Variants in PDZD2 observed in about 807,000 individuals in gnomAD.
PDZD2 encodes the protein PDZ domain-containing protein 2.
A neutral mutation model predicts 220.7 loss-of-function variants in PDZD2; 90 were observed. That is an observed-to-expected ratio of 0.41 (90% CI 0.34 to 0.49). The LOEUF (loss-of-function observed/expected upper bound fraction) is 0.49, where lower values mean the gene tolerates loss of function less well. Ranked by LOEUF, PDZD2 falls within the 20% of genes least tolerant of loss-of-function variation. The pLI, the probability that PDZD2 is intolerant of heterozygous loss-of-function variation, is 0.28. For synonymous variants in PDZD2, 1,375 were observed against 1,450.5 expected, an observed-to-expected ratio of 0.95 and a Z score of 1.18; for missense variants, 3,174 against 3,608.5, an observed-to-expected ratio of 0.88 and a Z score of 3.08.
Position 32,087,794 on chromosome 5 carries a change from G to A in PDZD2, c.4346G>A (p.Ser1449Asn). ...ARSPSSQTGD[S>N]GSQEGSAQGH... Reference sequence around the variant, plus strand: ...TCTCCGTCTTCCCAGACGGGGGACAGTGGCTCTCAGGAGGGCAGTGCTCAG... The same window carrying A: ...TCTCCGTCTTCCCAGACGGGGGACAATGGCTCTCAGGAGGGCAGTGCTCAG... Residue 1449 changes from serine to asparagine, a missense_variant, in exon 20 of 25, where the codon AGT becomes AAT. This residue lies in a region of PDZD2 where 1,861 missense variants were observed against 2,001.0 expected (regional missense o/e 0.93). Coordinates refer to ENST00000438447, the MANE Select transcript of PDZD2 (RefSeq NM_178140.4). The surrounding 1 kb of genome is among the most constrained non-coding windows in gnomAD (Gnocchi z 4.0). 1 of 1,613,730 alleles carries A rather than the reference G, an allele frequency of 6.2e-7. No individual in the cohort carries two copies. Among genetic ancestry groups the A allele is most frequent in the South Asian group, 1.1e-5 (1 of 91,064 alleles).
At chr5:31,779,620 G>C (rs1351933746) in intron 1 of PDZD2, among the ~76,000 whole-genome samples, 3 of 152,022 alleles carry the variant, frequency 2.0e-5, no homozygotes, top group African/African-American at 7.2e-5. Flanking sequence ...TGATCCGCCT[G>C]CCTCGGCCTC....
chr5:31,856,958 C>T (rs369242868), intron 2 of PDZD2, among the ~76,000 whole-genome samples: 56 of 150,902 alleles, frequency 3.7e-4, no homozygotes, highest in African/African-American at 1.3e-3. Flanking sequence ...TCAAATATGT[C>T]TACAAGGCTT....
chr5:31,723,963 C>T (rs867903497), intron 1 of PDZD2, among the ~76,000 whole-genome samples: 19 of 152,094 alleles, frequency 1.2e-4, no homozygotes, highest in Admixed American at 6.6e-4. Flanking sequence ...AAAGGCAAGC[C>T]TCTCTCATGA....
At chr5:32,034,081 C>G (rs16901747) in intron 6 of PDZD2, among the ~76,000 whole-genome samples, 4,257 of 152,220 alleles carry the variant, frequency 0.028, 209 homozygotes, top group African/African-American at 0.096. Context: ...CAAAATGTCT[C>G]TGATCCTATG....
intron 6 of PDZD2, among the ~76,000 whole-genome samples, chr5:32,022,194 T>TTG (rs1554026978): frequency 2.8e-5 from 4 of 142,132 alleles, no homozygotes; most frequent in Non-Finnish European, 6.1e-5. Context: ...TGTTTTTTTG[T>TTG]TTTTTGTTTT....
intron 2 of PDZD2, among the ~76,000 whole-genome samples, chr5:31,841,164 A>G (rs1282626911): frequency 5.9e-5 from 9 of 152,096 alleles, no homozygotes; most frequent in Non-Finnish European, 1.2e-4. Flanking sequence ...GGATATTACT[A>G]ATATCTGGTC....
At position 32,049,167 on chromosome 5, in the gene PDZD2, C is replaced by T. The variant is rs555557608; in HGVS notation, c.1665+483C>T. On this transcript the variant is annotated intron_variant, in intron 8 of 24. Transcript: ENST00000438447. ...GGTCATGGGGGGCTGTAGAGGGGGGCTGCACTAGCTGCTCAAGTTGATGTT... is the reference window on the plus strand; with the variant it reads ...GGTCATGGGGGGCTGTAGAGGGGGGTTGCACTAGCTGCTCAAGTTGATGTT... Among the ~76,000 whole-genome samples the T allele has an allele frequency of 3.3e-3, 509 of 152,142 alleles. 4 individuals are homozygous for T. Among genetic ancestry groups the T allele is most frequent in the African/African-American group, 0.011 (475 of 41,488 alleles).
At chr5:31,777,896 A>T in intron 1 of PDZD2, among the ~76,000 whole-genome samples, 1 of 152,204 alleles carries the variant, frequency 6.6e-6, no homozygotes, top group Non-Finnish European at 1.5e-5. Context: ...CTCTGTGTCT[A>T]GCTAAAGGTT....
chr5:32,087,617 C>T lies in PDZD2; in HGVS notation c.4169C>T (p.Pro1390Leu), dbSNP rs537826690. ...GCAGATTCTGTGTCCTCAAGGGCAC[C>T]GCAGGCCAGCCTCTCCATGCTGCCA... The part of the protein sequence containing the change: ...EGADSVSSRA[P>L]QASLSMLPST... Residue 1390 changes from proline to leucine, a missense_variant, in exon 20 of 25, where the codon CCG (proline) becomes CTG (leucine). By Grantham distance (98) the Pro-to-Leu change is moderately conservative. This residue lies in a region of PDZD2 where 1,861 missense variants were observed against 2,001.0 expected (regional missense o/e 0.93). Coordinates refer to ENST00000438447, the MANE Select transcript of PDZD2 (RefSeq NM_178140.4). This position sits in a 1 kb window ranked among gnomAD's most constrained non-coding sequence, Gnocchi z 4.0. 13 of 1,614,070 alleles carry T rather than the reference C, an allele frequency of 8.1e-6. 1 individual carries two copies. The highest frequency in any genetic ancestry group is 4.4e-5 in the South Asian group (4 of 91,078).
chr5:31,769,359 G>A (rs1752211442), intron 1 of PDZD2, among the ~76,000 whole-genome samples: 1 of 152,204 alleles, frequency 6.6e-6, no homozygotes, highest in African/African-American at 2.4e-5. Context: ...GAGAAGCTTT[G>A]GCTCAAAATC....
chr5:31,820,081 A>T (rs570438848), intron 2 of PDZD2, among the ~76,000 whole-genome samples: 1 of 152,230 alleles, frequency 6.6e-6, no homozygotes, highest in African/African-American at 2.4e-5. Flanking sequence ...TGCCTCCCCA[A>T]GCTGGGGGCT....
intron 1 of PDZD2, among the ~76,000 whole-genome samples, chr5:31,667,843 CT>C (rs374046230): frequency 0.014 from 1,876 of 135,932 alleles, 60 homozygotes; most frequent in African/African-American, 0.049. Flanking sequence ...AACAAACTGC[CT>C]TTTTTTTTTC....
At chr5:31,877,229 GT>G (rs1289005984) in intron 2 of PDZD2, among the ~76,000 whole-genome samples, 1 of 151,956 alleles carries the variant, frequency 6.6e-6, no homozygotes, top group African/African-American at 2.4e-5. Context: ...TTGTTTGTTT[GT>G]TTTGAGATGG....
chr5:32,007,195 G>A (rs778875460), intron 5 of PDZD2, among the ~76,000 whole-genome samples: 3 of 151,786 alleles, frequency 2.0e-5, no homozygotes, highest in Non-Finnish European at 4.4e-5. Context: ...TGGGATTACA[G>A]GCTTGAGCCA....
intron 1 of PDZD2, among the ~76,000 whole-genome samples, chr5:31,770,820 G>A (rs1294310945): frequency 1.5e-4 from 23 of 149,414 alleles, no homozygotes; most frequent in Non-Finnish European, 1.2e-4. Flanking sequence ...CTCAAATTTA[G>A]AAAAAAAAAA....
At chr5:31,668,587 C>T (rs1461528094) in intron 1 of PDZD2, among the ~76,000 whole-genome samples, 1 of 152,180 alleles carries the variant, frequency 6.6e-6, no homozygotes, top group Admixed American at 6.5e-5. Context: ...GTTGCGGTCT[C>T]CTGCTGTTCC....
intron 1 of PDZD2, among the ~76,000 whole-genome samples, chr5:31,734,351 G>A (rs933655459): frequency 1.8e-4 from 27 of 152,150 alleles, no homozygotes; most frequent in Admixed American, 6.5e-4. Flanking sequence ...ATGGAGTCTC[G>A]CTCTGTCTCC....
chr5:31,818,448 T>G (rs1197622190), intron 2 of PDZD2, among the ~76,000 whole-genome samples: 1 of 152,044 alleles, frequency 6.6e-6, no homozygotes, highest in Non-Finnish European at 1.5e-5. Flanking sequence ...AGAGAACTGG[T>G]TTTCTTTGGG....
chr5:31,945,780 T>C (rs890690423), intron 2 of PDZD2, among the ~76,000 whole-genome samples: 1 of 152,030 alleles, frequency 6.6e-6, no homozygotes, highest in Non-Finnish European at 1.5e-5. Flanking sequence ...GGAAGAGTCT[T>C]TAAGGAGATG....
Sources: allele counts gnomAD v4.1 joint callset (sites outside exome capture counted in the v4.1 genomes callset), GRCh38; gene constraint gnomAD v4.1.1; regional missense constraint gnomAD v4.1.1; non-coding constraint Gnocchi (gnomAD v3.1); transcripts MANE v1.5; gene names NCBI Gene and HGNC (gene_info 2026-07-23, HGNC 2026-07-21).